Variants in WDR27 observed in about 807,000 individuals in gnomAD.
WDR27 encodes WD repeat-containing protein 27.
WDR27 carries 100 observed loss-of-function variants against 114.4 expected under a neutral mutation model. The ratio of observed to expected loss-of-function variants is 0.87; its 90% confidence interval spans 0.74 to 1.03. The LOEUF (loss-of-function observed/expected upper bound fraction) is 1.03, where lower values mean the gene tolerates loss of function less well. WDR27 is among the 50% of genes least tolerant of loss of function. WDR27 has a pLI of 0.00. For missense variants in WDR27, 1,129 were observed against 1,092.9 expected (o/e 1.03, Z -0.47); for synonymous variants, 449 against 423.1 (o/e 1.06, Z -0.75).
intron 1 of WDR27, among the ~76,000 whole-genome samples, chr6:169,698,490 A>G (rs921944408): frequency 6.6e-6 from 1 of 152,178 alleles, no homozygotes; most frequent in Non-Finnish European, 1.5e-5. Flanking sequence ...CTATCCTCCC[A>G]TTGAACAGAG....
At chr6:169,540,419 A>C (rs1183065414) in intron 25 of WDR27, among the ~76,000 whole-genome samples, 1 of 143,176 alleles carries the variant, frequency 7.0e-6, no homozygotes, top group East Asian at 2.1e-4. Flanking sequence ...TATTGCTCTT[A>C]TTGAATAGAA....
chr6:169,653,480 C>T (rs1823163753), intron 13 of WDR27, among the ~76,000 whole-genome samples: 1 of 152,034 alleles, frequency 6.6e-6, no homozygotes, highest in Non-Finnish European at 1.5e-5. Flanking sequence ...TACAAGACTA[C>T]AAAAATCAGT....
At chr6:169,500,432 T>C (rs1412733542) in intron 25 of WDR27, among the ~76,000 whole-genome samples, 1 of 152,124 alleles carries the variant, frequency 6.6e-6, no homozygotes, top group Non-Finnish European at 1.5e-5. Flanking sequence ...ATCCAGGAGC[T>C]ATCTGTTTTC....
intron 23 of WDR27, among the ~76,000 whole-genome samples, chr6:169,596,709 G>A (rs779885810): frequency 3.3e-5 from 5 of 152,006 alleles, no homozygotes; most frequent in Non-Finnish European, 4.4e-5. Flanking sequence ...TAGGTAATTT[G>A]GAGGCATGTT....
intron 21 of WDR27, among the ~76,000 whole-genome samples, chr6:169,629,927 C>CAAAA (rs747455041): frequency 9.5e-5 from 5 of 52,396 alleles, no homozygotes; most frequent in Non-Finnish European, 1.7e-4. Flanking sequence ...AACTTCATCT[C>CAAAA]AAAAAAAAAA....
chr6:169,501,450 CCTT>C (rs1256823084), intron 25 of WDR27, among the ~76,000 whole-genome samples: 1 of 152,196 alleles, frequency 6.6e-6, no homozygotes, highest in Non-Finnish European at 1.5e-5. Flanking sequence ...GAACTAGGCT[CCTT>C]CTATGTGCCT....
At chr6:169,552,989 T>A (rs1798371724) in intron 25 of WDR27, among the ~76,000 whole-genome samples, 1 of 114,286 alleles carries the variant, frequency 8.7e-6, no homozygotes, top group Admixed American at 9.8e-5. Context: ...TGTGTGTGTG[T>A]GTGTGTGTGT....
intron 2 of WDR27, among the ~76,000 whole-genome samples, chr6:169,679,757 T>C (rs1027549020): frequency 1.3e-5 from 2 of 152,342 alleles, no homozygotes; most frequent in East Asian, 1.9e-4. Context: ...CATGAGCCAA[T>C]TAAATCTCTT....
At chr6:169,429,051 G>A in the WDR27 span, among the ~76,000 whole-genome samples, 1 of 152,178 alleles carries the variant, frequency 6.6e-6, no homozygotes, top group Non-Finnish European at 1.5e-5. Context: ...TTGGTCCCAA[G>A]AAATGATGGA....
At chr6:169,450,956 T>A in the WDR27 span, among the ~76,000 whole-genome samples, 1 of 152,076 alleles carries the variant, frequency 6.6e-6, no homozygotes, top group Non-Finnish European at 1.5e-5. Context: ...AATAAATCAA[T>A]CACTAAACAA....
In WDR27 at chr6:169,651,941, C is replaced by T. The variant is rs753058426; in HGVS notation, c.1470G>A (p.Ala490=). The part of the protein sequence containing the change: ...FHSKVRSSGY[A]SAPHVTMFSP... ...ATGAGTTCACTCACTGTGGTGCTGA[C>T]GCATAACCAGATGACCTAACTTTAC... Residue 490 remains alanine, a synonymous_variant, in exon 14 of 26, where the codon GCG becomes GCA. Coordinates refer to ENST00000448612, the MANE Select transcript of WDR27 (RefSeq NM_182552.5). 3.0e-5 allele frequency: 48 copies of T among 1,613,548 alleles called. 1 individual carries two copies. The highest frequency in any genetic ancestry group is 6.7e-5 in the African/African-American group (5 of 74,914).
At chr6:169,561,434 C>T (rs1428750095) in intron 25 of WDR27, among the ~76,000 whole-genome samples, 1 of 152,026 alleles carries the variant, frequency 6.6e-6, no homozygotes, top group African/African-American at 2.4e-5. Context: ...AATAATAGCA[C>T]CCAGCCTGGA....
At chr6:169,517,127 G>A (rs1454592900) in intron 25 of WDR27, among the ~76,000 whole-genome samples, 1 of 152,052 alleles carries the variant, frequency 6.6e-6, no homozygotes, top group Non-Finnish European at 1.5e-5. Flanking sequence ...TCTTTGCAAT[G>A]GTGAGTGAGT....
intron 6 of WDR27, 74 bp from the exon 7 acceptor site, chr6:169,665,630 A>G (rs1177771550): frequency 1.4e-6 from 2 of 1,381,038 alleles, no homozygotes; most frequent in Non-Finnish European, 2.0e-6. Context: ...TGTCAGTTTT[A>G]CTTATCTCTT....
At chr6:169,500,895 C>T (rs73789978) in intron 25 of WDR27, among the ~76,000 whole-genome samples, 1 of 152,210 alleles carries the variant, frequency 6.6e-6, no homozygotes, top group African/African-American at 2.4e-5. Flanking sequence ...GGGCAGGACA[C>T]TTGCACGACC....
chr6:169,537,944 T>G (rs570312558), intron 25 of WDR27, among the ~76,000 whole-genome samples: 106 of 152,108 alleles, frequency 7.0e-4, no homozygotes, highest in African/African-American at 2.4e-3. Context: ...AGTCCCTGAT[T>G]TTTGTAGATA....
rs554963754 is a variant in WDR27, at chr6:169,495,417, G to T, written c.2646-37783C>A. Among the ~76,000 whole-genome samples, 4 of 151,654 alleles carry T rather than the reference G, an allele frequency of 2.6e-5. No individual in the cohort carries two copies. The East Asian group carries it at 7.7e-4, about 29-fold the overall frequency. ...AAAAACTAAAAGTAAACTAAATCCA[G>T]GGCTAGCAGAGGAATGAAATAAGAA... On this transcript the variant is annotated intron_variant, in intron 25 of 25. Transcript: ENST00000448612.
intron 24 of WDR27, among the ~76,000 whole-genome samples, chr6:169,576,234 G>C (rs1802310958): frequency 6.6e-6 from 1 of 152,330 alleles, no homozygotes; most frequent in African/African-American, 2.4e-5. Context: ...CTGCTGGGCT[G>C]GGCTGGGCCT....
chr6:169,434,046 A>G, the WDR27 span, among the ~76,000 whole-genome samples: 2 of 152,194 alleles, frequency 1.3e-5, no homozygotes, highest in Non-Finnish European at 2.9e-5. Context: ...TTGCCTATTT[A>G]CTATGATGAT....
Sources: allele counts gnomAD v4.1 joint callset (sites outside exome capture counted in the v4.1 genomes callset), GRCh38; gene constraint gnomAD v4.1.1; transcripts MANE v1.5; gene names NCBI Gene and HGNC (gene_info 2026-07-23, HGNC 2026-07-21).